CDH13: variants seen among roughly 807,000 people sequenced by gnomAD.
CDH13 encodes cadherin 13, also known as cadherin-13.
In CDH13, 24 loss-of-function variants were observed where a neutral mutation model predicts 63.8. The ratio of observed to expected loss-of-function variants is 0.38; its 90% CI spans 0.27 to 0.53. The LOEUF (loss-of-function observed/expected upper bound fraction) is 0.53. Ranked by LOEUF, CDH13 falls within the 20% of genes least tolerant of loss-of-function variation. CDH13 has a pLI of 0.85. For missense variants in CDH13, 1,049 were observed against 903.1 expected (o/e 1.16, Z -2.07); for synonymous variants, 503 against 355.3 (o/e 1.42, Z -4.67).
chr16:82,854,417 A>AAT (rs35399769), intron 1 of CDH13, among the ~76,000 whole-genome samples: 1 of 150,758 alleles, frequency 6.6e-6, no homozygotes, highest in African/African-American at 2.4e-5. Context: ...AAAAAAAAAA[A>AAT]CAGTAAAAAG....
chr16:82,867,127 A>G (rs895699655), intron 2 of CDH13, among the ~76,000 whole-genome samples: 1 of 152,204 alleles, frequency 6.6e-6, no homozygotes, highest in African/African-American at 2.4e-5. Context: ...AGGTACTCTC[A>G]TCTGCCCATT....
At chr16:83,295,469 A>G (rs2151869870) in intron 5 of CDH13, among the ~76,000 whole-genome samples, 1 of 152,286 alleles carries the variant, frequency 6.6e-6, no homozygotes. Context: ...CAAACTGTAC[A>G]TCTGATAAAA....
chr16:83,526,833 G>A (rs1239620367), intron 7 of CDH13, among the ~76,000 whole-genome samples: 1 of 152,170 alleles, frequency 6.6e-6, no homozygotes, highest in Non-Finnish European at 1.5e-5. Context: ...CAGGCAGGCA[G>A]ACAGAATGGG....
chr16:82,756,987 A>G (rs1054097411), intron 1 of CDH13, among the ~76,000 whole-genome samples: 1 of 152,044 alleles, frequency 6.6e-6, no homozygotes, highest in Non-Finnish European at 1.5e-5. Context: ...ATCTTTGTTG[A>G]CGACTGACCT....
chr16:83,717,814 G>C (rs550946022), intron 10 of CDH13: 1 of 152,194 alleles, frequency 6.6e-6, no homozygotes, highest in Non-Finnish European at 1.5e-5. Context: ...TACCGTGCAC[G>C]TTCTGCAGGA....
At chr16:83,771,630 C>G (rs1231658646) in intron 11 of CDH13, among the ~76,000 whole-genome samples, 1 of 152,220 alleles carries the variant, frequency 6.6e-6, no homozygotes, top group Non-Finnish European at 1.5e-5. Flanking sequence ...CTTTCCCCCT[C>G]AAGACTTGCC....
intron 8 of CDH13, among the ~76,000 whole-genome samples, chr16:83,655,636 T>C (rs1912802478): frequency 6.6e-6 from 1 of 152,128 alleles, no homozygotes; most frequent in Non-Finnish European, 1.5e-5. Flanking sequence ...GCTCTGGATT[T>C]TGTAAAGTAG....
chr16:82,811,993 G>GT (rs1483897540), intron 1 of CDH13, among the ~76,000 whole-genome samples: 1 of 152,130 alleles, frequency 6.6e-6, no homozygotes, highest in African/African-American at 2.4e-5. Context: ...AGAGACATGA[G>GT]TAGGTTCTAC....
At chr16:83,686,823 C>G (rs1904349197) in intron 10 of CDH13, among the ~76,000 whole-genome samples, 1 of 152,140 alleles carries the variant, frequency 6.6e-6, no homozygotes, top group Non-Finnish European at 1.5e-5. Context: ...AGCATAAGGA[C>G]TGGTGCATGA....
At chr16:82,960,178 A>AGAGTCAAAGTG (rs1906756037) in intron 2 of CDH13, among the ~76,000 whole-genome samples, 1 of 152,166 alleles carries the variant, frequency 6.6e-6, no homozygotes, top group South Asian at 2.1e-4. Flanking sequence ...GAGAGGTGAG[A>AGAGTCAAAGTG]GAGAGAGTCA....
chr16:83,725,817 A>C (rs1910319476), intron 10 of CDH13: 1 of 152,242 alleles, frequency 6.6e-6, no homozygotes, highest in African/African-American at 2.4e-5. Flanking sequence ...GTTGTCAGTT[A>C]ACTTTCTGAG....
intron 1 of CDH13, among the ~76,000 whole-genome samples, chr16:82,841,397 C>T (rs2039004176): frequency 6.6e-6 from 1 of 152,172 alleles, no homozygotes; most frequent in Admixed American, 6.5e-5. Context: ...CTGAACAGTA[C>T]TATGGCACTA....
chr16:82,639,184 C>G (rs1178822812), intron 1 of CDH13, among the ~76,000 whole-genome samples: 4 of 152,188 alleles, frequency 2.6e-5, no homozygotes, highest in Non-Finnish European at 5.9e-5. Context: ...ATTTTGTTCT[C>G]TACCTCCCTT....
intron 5 of CDH13, among the ~76,000 whole-genome samples, chr16:83,298,826 G>C (rs2089663816): frequency 6.6e-6 from 1 of 152,106 alleles, no homozygotes; most frequent in Non-Finnish European, 1.5e-5. Flanking sequence ...AAGCTTGTGA[G>C]GATTTTCACT....
At chr16:83,465,429 C>T (rs567878451) in intron 6 of CDH13, among the ~76,000 whole-genome samples, 2 of 152,204 alleles carry the variant, frequency 1.3e-5, no homozygotes, top group Admixed American at 1.3e-4. Context: ...TTTTGAAGCA[C>T]TCTGTCCCCA....
chr16:82,679,944 T>G (rs867897711), intron 1 of CDH13, among the ~76,000 whole-genome samples: 25 of 152,294 alleles, frequency 1.6e-4, no homozygotes, highest in Non-Finnish European at 1.9e-4. Context: ...AAACCTTCAG[T>G]ATATCGTGAT....
chr16:82,985,794 T>A (rs906321613), intron 2 of CDH13, among the ~76,000 whole-genome samples: 1 of 152,134 alleles, frequency 6.6e-6, no homozygotes, highest in Admixed American at 6.5e-5. Flanking sequence ...TCCTAAATGG[T>A]TTACTACCAT....
intron 6 of CDH13, among the ~76,000 whole-genome samples, chr16:83,358,596 C>T (rs2091100895): frequency 6.6e-6 from 1 of 152,188 alleles, no homozygotes; most frequent in Admixed American, 6.5e-5. Context: ...TGCAGCATCA[C>T]TCAACCAGTA....
intron 2 of CDH13, among the ~76,000 whole-genome samples, chr16:82,964,699 C>T (rs1907553339): frequency 6.6e-6 from 1 of 152,088 alleles, no homozygotes; most frequent in African/African-American, 2.4e-5. Flanking sequence ...TCAGGTGTAG[C>T]CAGTGTAATT....
Sources: gnomAD v4.1 joint callset for allele counts (sites outside exome capture counted in the v4.1 genomes callset) on GRCh38, gnomAD v4.1.1 for gene constraint, MANE v1.5 for transcripts, NCBI Gene and HGNC (gene_info 2026-07-23, HGNC 2026-07-21) for gene names.